TATDN2: variants seen among roughly 807,000 people sequenced by gnomAD.
TATDN2 encodes the protein 3'-5' RNA nuclease TATDN2.
In TATDN2, 44 loss-of-function variants were observed where a neutral mutation model predicts 60.3. The observed-to-expected ratio is 0.73, with a 90% CI of 0.57 to 0.94. The LOEUF is 0.94. Ranked by LOEUF, TATDN2 falls within the 40% of genes least tolerant of loss-of-function variation. The probability of loss-of-function intolerance (pLI) is 0.00; values close to 1 mark genes in which losing one functional copy is unlikely to be tolerated. For missense variants in TATDN2, 997 were observed against 948.0 expected, an observed-to-expected ratio of 1.05 and a Z score of -0.68; for synonymous variants, 399 against 355.8, an observed-to-expected ratio of 1.12 and a Z score of -1.37.
rs1698382292 is a variant in TATDN2, at chr3:10,260,343, C to T, written c.621C>T (p.Ala207=). The T allele has an allele frequency of 6.2e-7, 1 of 1,614,180 alleles. No individual in the cohort carries two copies. The highest frequency in any genetic ancestry group is 1.7e-5 in the Admixed American group (1 of 60,012). Residue 207 remains alanine (A), a synonymous_variant, in exon 3 of 8, where the codon GCC becomes GCT. Transcript: ENST00000448281. ...KSMPKRKGEA[A]TRAKPSAAEH... is the part of the protein sequence containing the mutation. Reference sequence around the variant, plus strand: ...TGCCAAAAAGGAAGGGAGAGGCTGCCACTCGGGCAAAACCAAGCGCAGCAG... The same window carrying T: ...TGCCAAAAAGGAAGGGAGAGGCTGCTACTCGGGCAAAACCAAGCGCAGCAG...
At position 10,280,000 on chromosome 3, in the gene TATDN2, G is replaced by A. The variant is rs907391274; in HGVS notation, c.*818G>A. On this transcript the variant is annotated 3_prime_UTR_variant, in exon 8 of 8. Coordinates refer to ENST00000448281, the MANE Select transcript of TATDN2 (RefSeq NM_014760.4). ...AAGCTGATAAGGTTCAGTTTGCGGC[G>A]GAAACTACCTGCTAGTCTTGTGTCA... 1.3e-5 allele frequency: 2 copies of A among 153,708 alleles called. No individual in the cohort carries two copies. The highest frequency in any genetic ancestry group is 2.4e-5 in the African/African-American group (1 of 41,434). The allele number at this position is 153,708 out of a possible 1,614,324, so 9.5% of individuals were successfully genotyped here. A position where few individuals can be genotyped will look rare whatever the true frequency, so the allele number is the denominator to read the frequency against.
Position 10,249,499 on chromosome 3 carries a change from G to A in TATDN2, c.299G>A (p.Gly100Asp). Reference sequence around the variant, plus strand: ...GGTGTGGGCGGGGCCGCCTCCAAAGGCTGCCTGATTCGGAACACTCGGGGG... The same window carrying A: ...GGTGTGGGCGGGGCCGCCTCCAAAGACTGCCTGATTCGGAACACTCGGGGG... The part of the protein sequence containing the change: ...GPGVGGAASK[G>D]CLIRNTRGFL... Residue 100 changes from glycine (G) to aspartate (D), a missense_variant, in exon 2 of 8, where the codon GGC (glycine) becomes GAC (aspartate). Gly to Asp is a moderately conservative substitution (Grantham distance 94). Coordinates refer to ENST00000448281, the MANE Select transcript of TATDN2 (RefSeq NM_014760.4). The A allele has an allele frequency of 6.2e-7, 1 of 1,612,146 alleles. No individual in the cohort carries two copies.
rs1176122411 is a variant in TATDN2 at position 10,249,248 on chromosome 3, G to A, written c.48G>A (p.Ser16=). 6.4e-7 allele frequency: 1 copy of A among 1,564,170 alleles called. No homozygotes were observed. The highest frequency in any genetic ancestry group is 1.4e-5 in the African/African-American group (1 of 73,502). ...GKVKHNWSST[S]EGCPRKRSCL... ...TCAAGCACAACTGGAGCAGCACGTCGGAAGGGTGTCCCCGCAAGCGCAGCT... is the reference window on the plus strand; with the variant it reads ...TCAAGCACAACTGGAGCAGCACGTCAGAAGGGTGTCCCCGCAAGCGCAGCT... Residue 16 remains serine (S), a synonymous_variant, in exon 2 of 8, where the codon TCG becomes TCA. Coordinates refer to ENST00000448281, the MANE Select transcript of TATDN2 (RefSeq NM_014760.4).
At position 10,270,132 on chromosome 3, in the gene TATDN2, A is replaced by G. The variant is rs1698536646; in HGVS notation, c.950A>G (p.His317Arg). The change falls in exon 4 of 8, where the codon CAT (histidine) becomes CGT (arginine). Residue 317 changes from histidine to arginine, a missense_variant and splice_region_variant. His to Arg is a conservative substitution (Grantham distance 29, BLOSUM62 0). Coordinates refer to ENST00000448281, the MANE Select transcript of TATDN2 (RefSeq NM_014760.4). ...TGTTGTATGCCTTCTTTTCTGCAGC[A>G]TAAAGATAGGGAGGTGGTGATGGAG... ...DSDSHLEIQK[H>R]KDREVVMEHP... The G allele has an allele frequency of 8.7e-6, 14 of 1,608,784 alleles. No homozygotes were observed. Among genetic ancestry groups the G allele is most frequent in the East Asian group, 4.5e-5 (2 of 44,884 alleles).
intron 3 of TATDN2, among the ~76,000 whole-genome samples, chr3:10,268,943 G>C (rs1328589202): frequency 6.6e-6 from 1 of 152,168 alleles, no homozygotes; most frequent in Non-Finnish European, 1.5e-5. Context: ...CTTTTCTTTT[G>C]CTCTCAGTAC....
At position 10,256,073 on chromosome 3, in the gene TATDN2, A is replaced by G. The variant is rs1470047160; in HGVS notation, c.415-4064A>G. ...TGGCAGTTATCACTCTCTAACATAC[A>G]TATTTCACTTGTCTTACCTTTCTCC... On this transcript the variant is annotated intron_variant, in intron 2 of 7. Coordinates refer to ENST00000448281, the MANE Select transcript of TATDN2 (RefSeq NM_014760.4). Among the ~76,000 whole-genome samples the G allele has an allele frequency of 2.0e-5, 3 of 152,044 alleles. No homozygotes were observed. In the South Asian group the frequency reaches 6.2e-4, roughly 32 times the overall value.
In TATDN2 at chr3:10,271,030, T is replaced by C. The variant is rs763185847; in HGVS notation, c.1833+15T>C. On this transcript the variant is annotated intron_variant, in intron 4 of 7. Transcript: ENST00000448281. The stretch of plus-strand genomic sequence containing the variant: ...AACAGCACAAGGTAACAAGGCTCTC[T>C]TTAGTCTGCTTATAGTTTTAATTTT... The C allele has an allele frequency of 1.0e-5, 16 of 1,526,050 alleles. No homozygotes were observed. The allele number at this position is 1,526,050 out of a possible 1,614,324, so 94.5% of individuals were successfully genotyped here. A position where few individuals can be genotyped will look rare whatever the true frequency, so the allele number is the denominator to read the frequency against.
chr3:10,266,702 G>A (rs2619504), intron 3 of TATDN2, among the ~76,000 whole-genome samples: 152,345 of 152,348 alleles, frequency 1, 76,171 homozygotes, highest in Middle Eastern at 1. Context: ...GTATTCCAAT[G>A]AAACCTTATT....
chr3:10,278,147 T>C lies in TATDN2; in HGVS notation c.1962-132T>C. 2 of 1,057,508 alleles carry C rather than the reference T, an allele frequency of 1.9e-6. No homozygotes were observed. Among genetic ancestry groups the C allele is most frequent in the Non-Finnish European group, 2.8e-6 (2 of 723,222 alleles). 65.5% of individuals were successfully genotyped at this position (1,057,508 alleles called of 1,614,324 possible). A position where few individuals can be genotyped will look rare whatever the true frequency, so the allele number is the denominator to read the frequency against. Reference sequence around the variant, plus strand: ...GGAGCCAGCCCTTGTCTGTGTTTACTGTGGAGTCCTTCCCTAGGATGCAGT... The same window carrying C: ...GGAGCCAGCCCTTGTCTGTGTTTACCGTGGAGTCCTTCCCTAGGATGCAGT... On this transcript the variant is annotated intron_variant, in intron 5 of 7. Transcript: ENST00000448281. The surrounding 1 kb of genome is among the most constrained non-coding windows in gnomAD (Gnocchi z 4.7).
At chr3:10,256,265 C>G (rs897844785) in intron 2 of TATDN2, among the ~76,000 whole-genome samples, 2 of 152,078 alleles carry the variant, frequency 1.3e-5, no homozygotes, top group Admixed American at 1.3e-4. Flanking sequence ...CCTTGACCTT[C>G]CACACTCAAG....
chr3:10,276,522 A>C (rs369356166), intron 5 of TATDN2, 34 bp downstream of exon 5: 2 of 1,606,778 alleles, frequency 1.2e-6, no homozygotes, highest in Non-Finnish European at 1.7e-6. Flanking sequence ...GGCAAATGAA[A>C]GAAACACTTC....
Position 10,279,959 on chromosome 3 carries a change from G to A in TATDN2, c.*777G>A, listed in dbSNP as rs1168244908. 1 of 153,790 alleles carries A rather than the reference G, an allele frequency of 6.5e-6. No homozygotes were observed. The highest frequency in any genetic ancestry group is 2.4e-5 in the African/African-American group (1 of 41,450). 9.5% of individuals were successfully genotyped at this position (153,790 alleles called of 1,614,324 possible). On this transcript the variant is annotated 3_prime_UTR_variant, in exon 8 of 8. Coordinates refer to ENST00000448281, the MANE Select transcript of TATDN2 (RefSeq NM_014760.4). ...CCTCCTCACTGATGCCCTCAGGGCTGCTGTGTGGGTGTGTTAAGCTGATAA... is the reference window on the plus strand; with the variant it reads ...CCTCCTCACTGATGCCCTCAGGGCTACTGTGTGGGTGTGTTAAGCTGATAA...
At chr3:10,271,554 T>C (rs1364550489) in intron 4 of TATDN2, among the ~76,000 whole-genome samples, 1 of 152,210 alleles carries the variant, frequency 6.6e-6, no homozygotes, top group Non-Finnish European at 1.5e-5. Flanking sequence ...TCCACCCGCC[T>C]TGGCCTCCGA....
intron 4 of TATDN2, 89 bp downstream of exon 4, chr3:10,271,104 G>A: frequency 6.8e-7 from 1 of 1,465,366 alleles, no homozygotes; most frequent in Non-Finnish European, 9.0e-7. Flanking sequence ...AATTTTAGAA[G>A]TAAATAATTG....
rs1698336388 is a variant in TATDN2, at chr3:10,257,858, T to TTTTTTTTTTTTTC, written c.415-2267_415-2266insCTTTTTTTTTTTT. 2.2e-5 allele frequency among the ~76,000 whole-genome samples: 2 copies of TTTTTTTTTTTTTC among 90,856 alleles called. 1 individual carries two copies. The highest frequency in any genetic ancestry group is 4.1e-5 in the Non-Finnish European group (2 of 48,502). 59.6% of individuals were successfully genotyped at this position (90,856 alleles called of 152,430 possible). A position where few individuals can be genotyped will look rare whatever the true frequency, so the allele number is the denominator to read the frequency against. ...GGTTTATGATTTTTTTTTTTTTTTT[T>TTTTTTTTTTTTTC]TTTTTTTTTTTTTTTTTTGGGAGAT... On this transcript the variant is annotated intron_variant, in intron 2 of 7. Transcript: ENST00000448281.
intron 2 of TATDN2, among the ~76,000 whole-genome samples, chr3:10,252,844 C>T (rs1011512123): frequency 3.4e-5 from 5 of 146,680 alleles, no homozygotes; most frequent in African/African-American, 5.2e-5. Flanking sequence ...GTGTGCCAAC[C>T]TGCCTGGCTA....
intron 2 of TATDN2, among the ~76,000 whole-genome samples, chr3:10,252,261 A>T (rs1021952601): frequency 1.3e-5 from 2 of 151,098 alleles, no homozygotes; most frequent in Non-Finnish European, 2.9e-5. Context: ...TGTCCTCCCA[A>T]AGCGCTGGGA....
At chr3:10,263,626 ATC>A (rs1698438137) in intron 3 of TATDN2, among the ~76,000 whole-genome samples, 1 of 151,994 alleles carries the variant, frequency 6.6e-6, no homozygotes, top group African/African-American at 2.4e-5. Context: ...TTTTAATAAC[ATC>A]TCTGTTCTTG....
At chr3:10,273,322 G>C (rs568966857) in intron 4 of TATDN2, among the ~76,000 whole-genome samples, 1 of 147,920 alleles carries the variant, frequency 6.8e-6, no homozygotes, top group Admixed American at 6.7e-5. Flanking sequence ...TAAAAAATTT[G>C]GCACCCAAAT....
Sources: gnomAD v4.1 joint callset for allele counts (sites outside exome capture counted in the v4.1 genomes callset) on GRCh38, gnomAD v4.1.1 for gene constraint, Gnocchi (gnomAD v3.1) non-coding constraint, MANE v1.5 for transcripts, NCBI Gene and HGNC (gene_info 2026-07-23, HGNC 2026-07-21) for gene names.